FXR1: variants seen among roughly 807,000 people sequenced by gnomAD.
The protein encoded by FXR1 is FMR1 autosomal homolog 1.
Under a neutral mutation model 84.0 loss-of-function variants are expected in FXR1, and 15 were observed. The observed-to-expected ratio is 0.18, with a 90% confidence interval of 0.12 to 0.27. FXR1 has a LOEUF of 0.27. Among genes scored for constraint, FXR1 ranks in the 10% least tolerant of loss-of-function variants. The probability of loss-of-function intolerance (pLI) is 1.00; values close to 1 mark genes in which losing one functional copy is unlikely to be tolerated. For synonymous variants in FXR1, 245 were observed against 250.7 expected, an observed-to-expected ratio of 0.98 and a Z score of 0.21; for missense variants, 480 against 774.4, an observed-to-expected ratio of 0.62 and a Z score of 4.51.
intron 1 of FXR1, 23 bp from the exon 2 acceptor site, chr3:180,933,311 T>C (rs772581800): frequency 7.0e-7 from 1 of 1,431,770 alleles, no homozygotes; most frequent in South Asian, 1.2e-5. Flanking sequence ...TCTATGCTTT[T>C]ATAATGTTTT....
At chr3:180,924,600 C>G (rs1679232549) in intron 1 of FXR1, among the ~76,000 whole-genome samples, 1 of 152,252 alleles carries the variant, frequency 6.6e-6, no homozygotes, top group East Asian at 1.9e-4. Flanking sequence ...GGTTTAGAAT[C>G]AACAGAATAG....
At chr3:180,914,630 T>C (rs1717665678) in intron 1 of FXR1, 1 of 291,438 alleles carries the variant, frequency 3.4e-6, no homozygotes, top group Non-Finnish European at 5.1e-6. Flanking sequence ...CTTTGGTTTC[T>C]CACGGTATTT....
chr3:180,954,700 T>C (rs1205401596), intron 9 of FXR1, among the ~76,000 whole-genome samples: 2 of 152,082 alleles, frequency 1.3e-5, no homozygotes, highest in African/African-American at 2.4e-5. Context: ...TTCCCTGTTA[T>C]CTCTCATTAT....
At chr3:180,973,619 G>A (rs1002142828) in intron 15 of FXR1, among the ~76,000 whole-genome samples, 2 of 152,136 alleles carry the variant, frequency 1.3e-5, no homozygotes, top group Admixed American at 6.5e-5. Flanking sequence ...TTTTAATGTA[G>A]TTATAAATAT....
intron 15 of FXR1, 60 bp downstream of exon 15, chr3:180,970,418 ATAT>A (rs1560023756): frequency 6.9e-5 from 19 of 274,654 alleles, no homozygotes; most frequent in South Asian, 2.1e-4. Flanking sequence ...ATATATATAT[ATAT>A]AATTGTAAAC....
At chr3:180,951,500 G>T (rs763011616) in intron 8 of FXR1, 32 bp downstream of exon 8, 2 of 1,447,940 alleles carry the variant, frequency 1.4e-6, no homozygotes, top group South Asian at 2.4e-5. Flanking sequence ...TTGGCCTTTA[G>T]TGTATTAACC....
At chr3:180,951,943 T>C (rs1254212479) in intron 8 of FXR1, among the ~76,000 whole-genome samples, 4 of 152,190 alleles carry the variant, frequency 2.6e-5, no homozygotes, top group Admixed American at 2.6e-4. Context: ...GGCACACACC[T>C]GCAGTCCCAG....
chr3:180,913,225 C>T (rs529108511), intron 1 of FXR1, among the ~76,000 whole-genome samples: 2 of 152,274 alleles, frequency 1.3e-5, no homozygotes, highest in East Asian at 3.9e-4. Context: ...TTGGAATTCA[C>T]CCTTGTATTT....
At position 180,948,760 on chromosome 3, in the gene FXR1, A is replaced by G. The variant is rs760152205; in HGVS notation, c.459A>G (p.Ala153=). The G allele has an allele frequency of 1.3e-6, 2 of 1,583,994 alleles. No homozygotes were observed. The highest frequency in any genetic ancestry group is 3.3e-5 in the Admixed American group (2 of 59,970). The change falls in exon 6 of 17, where the codon GCA becomes GCG. Residue 153 remains alanine, a synonymous_variant. Coordinates refer to ENST00000357559, the MANE Select transcript of FXR1 (RefSeq NM_005087.4). ...NENAHKDFKK[A]VGACRIFYHP... ...ATGCACATAAAGATTTTAAGAAAGC[A>G]GTAGGAGCATGCAGAATTTTTTACC...
intron 3 of FXR1, among the ~76,000 whole-genome samples, chr3:180,941,436 C>T (rs1187598257): frequency 6.6e-6 from 1 of 152,068 alleles, no homozygotes; most frequent in Non-Finnish European, 1.5e-5. Flanking sequence ...CAAGCAGTCA[C>T]CCACCTCAGC....
Position 180,949,208 on chromosome 3 carries a change from T to G in FXR1, c.514-19T>G. ...GAAGAATGATTAAAGTTTTGAGTAA[T>G]TAGCTTGTTTGTTTATAGTCTGCCA... is the stretch of plus-strand genomic sequence containing the variant. On this transcript the variant is annotated intron_variant, in intron 6 of 16. Coordinates refer to ENST00000357559, the MANE Select transcript of FXR1 (RefSeq NM_005087.4). 2 of 1,209,180 alleles carry G rather than the reference T, an allele frequency of 1.7e-6. No individual in the cohort carries two copies. Among genetic ancestry groups the G allele is most frequent in the Non-Finnish European group, 2.5e-6 (2 of 810,022 alleles). The allele number at this position is 1,209,180 out of a possible 1,614,324, so 74.9% of individuals were successfully genotyped here.
intron 1 of FXR1, among the ~76,000 whole-genome samples, chr3:180,927,969 T>C (rs1719428020): frequency 1.3e-5 from 2 of 152,210 alleles, no homozygotes; most frequent in Non-Finnish European, 2.9e-5. Flanking sequence ...ATATTTTAGC[T>C]TCTGGGTAGT....
In FXR1 at chr3:180,961,498, A is replaced by G; in HGVS notation, c.1021A>G (p.Lys341Glu). ...GMVPFVFVGT[K>E]ESIGNVQVLL... Reference sequence around the variant, plus strand: ...GGTTCCATTTGTATTTGTTGGCACTAAAGAAAGCATTGGAAATGTGCAGGT... The same window carrying G: ...GGTTCCATTTGTATTTGTTGGCACTGAAGAAAGCATTGGAAATGTGCAGGT... Residue 341 changes from lysine (K) to glutamate (E), a missense_variant, in exon 11 of 17, where the codon AAA (lysine) becomes GAA (glutamate). Around this residue, in one of 6 missense-constraint regions of FXR1, gnomAD observed 33 missense variants for 42.4 expected, o/e 0.78. Transcript: ENST00000357559. 1.3e-6 allele frequency: 2 copies of G among 1,574,690 alleles called. No homozygotes were observed. The highest frequency in any genetic ancestry group is 2.2e-5 in the South Asian group (2 of 90,258).
intron 15 of FXR1, among the ~76,000 whole-genome samples, chr3:180,973,616 G>T (rs1354886819): frequency 1.3e-5 from 2 of 152,114 alleles, no homozygotes; most frequent in Non-Finnish European, 2.9e-5. Flanking sequence ...TCTTTTTAAT[G>T]TAGTTATAAA....
chr3:180,937,790 CTTTAAA>C (rs1018531312), intron 3 of FXR1, among the ~76,000 whole-genome samples: 128 of 152,148 alleles, frequency 8.4e-4, no homozygotes, highest in African/African-American at 2.9e-3. Context: ...TCTTCCCCTT[CTTTAAA>C]TTTAAAGTAA....
Position 180,976,516 on chromosome 3 carries a change from A to T in FXR1, c.*224A>T, listed in dbSNP as rs1362493054. 73 of 236,482 alleles carry T rather than the reference A, an allele frequency of 3.1e-4. No homozygotes were observed. The highest frequency in any genetic ancestry group is 4.8e-4 in the Non-Finnish European group (59 of 122,034). The allele number at this position is 236,482 out of a possible 1,614,324, so 14.6% of individuals were successfully genotyped here. A position where few individuals can be genotyped will look rare whatever the true frequency, so the allele number is the denominator to read the frequency against. On this transcript the variant is annotated 3_prime_UTR_variant, in exon 17 of 17. Transcript: ENST00000357559. ...TCATCAGATGTGCCTTGAGAATAGT[A>T]TATGTAACATTAAAAAAAAGTTGCT... is the stretch of plus-strand genomic sequence containing the variant.
chr3:180,965,515 A>G (rs987608145), intron 13 of FXR1, among the ~76,000 whole-genome samples: 2 of 152,234 alleles, frequency 1.3e-5, no homozygotes, highest in African/African-American at 4.8e-5. Context: ...CAGAAGGCTG[A>G]CATGGGTCTC....
At chr3:180,947,466 AAATGTC>A (rs1320483356) in intron 3 of FXR1, among the ~76,000 whole-genome samples, 1 of 152,238 alleles carries the variant, frequency 6.6e-6, no homozygotes, top group Non-Finnish European at 1.5e-5. Flanking sequence ...CACGGGATCT[AAATGTC>A]ATATCCTCGA....
At chr3:180,936,950 A>AGGAAACAAAGTGGT (rs1720592403) in intron 3 of FXR1, among the ~76,000 whole-genome samples, 1 of 152,222 alleles carries the variant, frequency 6.6e-6, no homozygotes. Flanking sequence ...GGGAGACACG[A>AGGAAACAAAGTGGT]GGAAACAAAG....
Sources: gnomAD v4.1 joint callset for allele counts (sites outside exome capture counted in the v4.1 genomes callset) on GRCh38, gnomAD v4.1.1 for gene constraint, gnomAD v4.1.1 regional missense constraint, MANE v1.5 for transcripts, NCBI Gene and HGNC (gene_info 2026-07-23, HGNC 2026-07-21) for gene names.